DLG2: variants seen among roughly 807,000 people sequenced by gnomAD.
The protein encoded by DLG2 is discs large MAGUK scaffold protein 2, also known as disks large homolog 2.
A neutral mutation model predicts 132.5 loss-of-function variants in DLG2; 45 were observed. The ratio of observed to expected loss-of-function variants is 0.34; its 90% CI spans 0.27 to 0.44. The LOEUF is 0.44. Ranked by LOEUF, DLG2 falls within the 20% of genes least tolerant of loss-of-function variation. The pLI is 1.00. For synonymous variants in DLG2, 424 were observed against 419.6 expected (o/e 1.01, Z -0.13); for missense variants, 1,045 against 1,196.9 (o/e 0.87, Z 1.87).
At chr11:85,111,798 G>A in intron 5 of DLG2, 63 bp from the exon 6 acceptor site, 1 of 1,242,944 alleles carries the variant, frequency 8.0e-7, no homozygotes, top group African/African-American at 1.5e-5. Context: ...ATATATGCTA[G>A]CTGACATGTT....
At chr11:84,448,901 TAATG>T (rs2099043474) in intron 7 of DLG2, among the ~76,000 whole-genome samples, 1 of 152,006 alleles carries the variant, frequency 6.6e-6, no homozygotes, top group East Asian at 1.9e-4. Context: ...GTTGTTTGCT[TAATG>T]AATGAACAAA....
intron 4 of DLG2, among the ~76,000 whole-genome samples, chr11:85,258,261 C>T (rs2076767588): frequency 6.6e-6 from 1 of 152,170 alleles, no homozygotes; most frequent in South Asian, 2.1e-4. Flanking sequence ...GTCCTCTCCA[C>T]TATTTCTTAT....
intron 7 of DLG2, among the ~76,000 whole-genome samples, chr11:84,533,825 C>G (rs2217483): frequency 1.4e-5 from 2 of 141,200 alleles, no homozygotes; most frequent in African/African-American, 5.3e-5. Context: ...CAGCCATATT[C>G]TGATTTTTTC....
intron 3 of DLG2, among the ~76,000 whole-genome samples, chr11:85,357,317 C>T (rs1010069418): frequency 4.1e-5 from 6 of 147,772 alleles, no homozygotes; most frequent in East Asian, 2.0e-4. Context: ...CTCAGCCTCC[C>T]GGGTAGCTGG....
intron 9 of DLG2, among the ~76,000 whole-genome samples, chr11:84,154,871 G>A (rs1313258213): frequency 1.3e-5 from 2 of 152,074 alleles, no homozygotes; most frequent in African/African-American, 2.4e-5. Context: ...GTGTATATGT[G>A]CCACATTTTC....
At chr11:83,874,893 G>C (rs926348769) in intron 15 of DLG2, among the ~76,000 whole-genome samples, 16 of 152,018 alleles carry the variant, frequency 1.1e-4, no homozygotes, top group African/African-American at 3.6e-4. Flanking sequence ...TTTAACGATA[G>C]GTGAACATTA....
intron 6 of DLG2, among the ~76,000 whole-genome samples, chr11:84,863,119 T>A (rs563626824): frequency 1.3e-5 from 2 of 152,112 alleles, no homozygotes; most frequent in Admixed American, 6.6e-5. Flanking sequence ...TTAATGTAGA[T>A]CCTTTTATCA....
intron 3 of DLG2, among the ~76,000 whole-genome samples, chr11:85,494,633 C>A (rs1307729576): frequency 6.6e-6 from 1 of 151,656 alleles, no homozygotes. Flanking sequence ...TTGGAAAATG[C>A]CTTCCCTGTG....
chr11:84,743,684 A>G (rs982780019), intron 6 of DLG2, among the ~76,000 whole-genome samples: 8 of 152,152 alleles, frequency 5.3e-5, no homozygotes, highest in Non-Finnish European at 1.2e-4. Context: ...AGTCTGGATG[A>G]GTTTCAAGTA....
chr11:83,614,835 T>C (rs1263990411), intron 19 of DLG2, among the ~76,000 whole-genome samples: 1 of 152,202 alleles, frequency 6.6e-6, no homozygotes, highest in Non-Finnish European at 1.5e-5. Flanking sequence ...GACTGATACT[T>C]CCAGCAAAAG....
chr11:84,063,390 G>A (rs1465297113), intron 10 of DLG2, among the ~76,000 whole-genome samples: 7 of 152,306 alleles, frequency 4.6e-5, no homozygotes, highest in Middle Eastern at 3.4e-3. Context: ...TATTCAAAGA[G>A]TCACATCTAA....
rs186538854 is a variant in DLG2 at position 84,326,335 on chromosome 11, C to A, written c.520-75044G>T. 9.9e-5 allele frequency among the ~76,000 whole-genome samples: 15 copies of A among 151,948 alleles called. No individual in the cohort carries two copies. In the East Asian group the frequency reaches 2.7e-3, roughly 27 times the overall value. On this transcript the variant is annotated intron_variant, in intron 7 of 27. Coordinates refer to ENST00000376104, the MANE Select transcript of DLG2 (RefSeq NM_001142699.3). ...TAGAATTAGGTTGTTTATTTGAGATCTTTCTTCCTTTTAAATGGAAGTGTA... is the reference window on the plus strand; with the variant it reads ...TAGAATTAGGTTGTTTATTTGAGATATTTCTTCCTTTTAAATGGAAGTGTA...
At chr11:84,347,125 G>C (rs1234210784) in intron 7 of DLG2, among the ~76,000 whole-genome samples, 1 of 152,130 alleles carries the variant, frequency 6.6e-6, no homozygotes, top group Non-Finnish European at 1.5e-5. Context: ...CTGTTAATGA[G>C]TTTTGAATGA....
At chr11:84,041,514 A>G (rs1036180055) in intron 11 of DLG2, among the ~76,000 whole-genome samples, 2 of 151,890 alleles carry the variant, frequency 1.3e-5, no homozygotes, top group African/African-American at 4.8e-5. Flanking sequence ...GGCATCTTGT[A>G]CTTTTAACTT....
chr11:85,052,576 T>G (rs1308271299), intron 6 of DLG2, among the ~76,000 whole-genome samples: 3 of 152,224 alleles, frequency 2.0e-5, no homozygotes, highest in Admixed American at 6.5e-5. Flanking sequence ...CTACTTATAA[T>G]TACTTCACTG....
chr11:85,009,936 A>G (rs1007917920), intron 6 of DLG2, among the ~76,000 whole-genome samples: 1 of 152,120 alleles, frequency 6.6e-6, no homozygotes, highest in Non-Finnish European at 1.5e-5. Flanking sequence ...GTTCCTGAAG[A>G]CATCCTTTGT....
intron 6 of DLG2, among the ~76,000 whole-genome samples, chr11:85,002,147 G>C (rs1371026715): frequency 6.6e-6 from 1 of 152,034 alleles, no homozygotes; most frequent in Non-Finnish European, 1.5e-5. Flanking sequence ...TTCATCCTGG[G>C]ATACACAGGT....
rs140648937 is a variant in DLG2, at chr11:84,062,868, A to G, written c.750-3384T>C. Among the ~76,000 whole-genome samples, 1,105 of 152,154 alleles carry G rather than the reference A, an allele frequency of 7.3e-3. 7 individuals are homozygous for G. Among genetic ancestry groups the G allele is most frequent in the African/African-American group, 0.025 (1,049 of 41,510 alleles). On this transcript the variant is annotated intron_variant, in intron 10 of 27. Transcript: ENST00000376104. Reference sequence around the variant, plus strand: ...CCTTCCTCCCAGAAACTTGAAATAGATTTTGGCTAGAGGGTCATAGCTATT... The same window carrying G: ...CCTTCCTCCCAGAAACTTGAAATAGGTTTTGGCTAGAGGGTCATAGCTATT...
chr11:83,580,561 T>C (rs1355548912), intron 19 of DLG2, among the ~76,000 whole-genome samples: 1 of 152,184 alleles, frequency 6.6e-6, no homozygotes, highest in East Asian at 1.9e-4. Context: ...AAAAGAGTTA[T>C]TTTAAATCTG....
Sources: gnomAD v4.1 joint callset for allele counts (sites outside exome capture counted in the v4.1 genomes callset) on GRCh38, gnomAD v4.1.1 for gene constraint, MANE v1.5 for transcripts, NCBI Gene and HGNC (gene_info 2026-07-23, HGNC 2026-07-21) for gene names.